The following CACNA1E variants were observed in gnomAD, a reference collection of about 807,000 sequenced individuals.
CACNA1E encodes calcium voltage-gated channel subunit alpha1 E, also known as voltage-dependent R-type calcium channel subunit alpha-1E.
In CACNA1E, 40 loss-of-function variants were observed where a neutral mutation model predicts 259.2. The observed-to-expected ratio is 0.15, with a 90% CI of 0.12 to 0.20. The LOEUF is 0.20. CACNA1E is among the 10% of genes least tolerant of loss of function. The probability of loss-of-function intolerance (pLI) is 1.00; values close to 1 mark genes in which losing one functional copy is unlikely to be tolerated. For synonymous variants in CACNA1E, 1,104 were observed against 1,138.5 expected (o/e 0.97, Z 0.61); for missense variants, 1,874 against 3,040.1 (o/e 0.62, Z 9.02).
chr1:181,710,567 T>G (rs1653249181), intron 7 of CACNA1E, among the ~76,000 whole-genome samples: 1 of 149,006 alleles, frequency 6.7e-6, no homozygotes, highest in Admixed American at 6.8e-5. Flanking sequence ...CAATATACGT[T>G]AATCACTATT....
At chr1:181,464,505 T>C (rs1662026679) in intron 2 of CACNA1E, among the ~76,000 whole-genome samples, 1 of 152,024 alleles carries the variant, frequency 6.6e-6, no homozygotes, top group South Asian at 2.1e-4. Flanking sequence ...CATTACTTTT[T>C]CTGAGTCTTT....
chr1:181,786,321 C>T (rs1274159333), intron 43 of CACNA1E, among the ~76,000 whole-genome samples: 1 of 152,120 alleles, frequency 6.6e-6, no homozygotes, highest in Non-Finnish European at 1.5e-5. Context: ...GCCTACTATA[C>T]CCTGGAGGTA....
At chr1:181,548,829 C>T (rs1476429242) in intron 3 of CACNA1E, among the ~76,000 whole-genome samples, 2 of 152,158 alleles carry the variant, frequency 1.3e-5, no homozygotes, top group Non-Finnish European at 2.9e-5. Flanking sequence ...TCGTCTTATC[C>T]ATCATGTTTA....
At chr1:181,636,214 G>A (rs1657198040) in intron 6 of CACNA1E, among the ~76,000 whole-genome samples, 2 of 152,120 alleles carry the variant, frequency 1.3e-5, no homozygotes, top group Admixed American at 1.3e-4. Flanking sequence ...AAGGCATATT[G>A]GTTAAGAGTG....
intron 1 of CACNA1E, among the ~76,000 whole-genome samples, chr1:181,408,185 T>C (rs1259869979): frequency 1.3e-5 from 2 of 152,198 alleles, no homozygotes; most frequent in Non-Finnish European, 2.9e-5. Context: ...TTCATTGACT[T>C]GCTGGTGTAT....
rs1472617384 is a variant in CACNA1E, at chr1:181,800,684, A to G, written c.*1850A>G. 1 of 152,680 alleles carries G rather than the reference A, an allele frequency of 6.5e-6. No homozygotes were observed. Among genetic ancestry groups the G allele is most frequent in the Non-Finnish European group, 1.5e-5 (1 of 68,094 alleles). 9.5% of individuals were successfully genotyped at this position (152,680 alleles called of 1,614,324 possible). On this transcript the variant is annotated 3_prime_UTR_variant, in exon 48 of 48. Coordinates refer to ENST00000367573, the MANE Select transcript of CACNA1E (RefSeq NM_001205293.3). ...CACACTCCTCCTCTTGGGCAGGAGC[A>G]ATCCAGAGTTGTTATTTTTCTTAGA... is the stretch of plus-strand genomic sequence containing the variant.
intron 21 of CACNA1E, among the ~76,000 whole-genome samples, chr1:181,734,017 CA>C (rs2102561347): frequency 6.6e-6 from 1 of 152,294 alleles, no homozygotes; most frequent in African/African-American, 2.4e-5. Context: ...ACTTTGTGCC[CA>C]GTTAGATATT....
intron 1 of CACNA1E, among the ~76,000 whole-genome samples, chr1:181,401,564 T>C (rs1270043810): frequency 6.6e-6 from 1 of 152,188 alleles, no homozygotes; most frequent in Non-Finnish European, 1.5e-5. Context: ...TGAAGATTGT[T>C]GAGGAGATTG....
At chr1:181,596,556 A>ATG (rs1491525131) in intron 6 of CACNA1E, among the ~76,000 whole-genome samples, 7 of 53,678 alleles carry the variant, frequency 1.3e-4, no homozygotes, top group Admixed American at 2.1e-4. Context: ...CCCACCATGT[A>ATG]CGTGTGTGTG....
intron 2 of CACNA1E, among the ~76,000 whole-genome samples, chr1:181,466,144 A>C (rs1330605554): frequency 6.6e-6 from 1 of 152,212 alleles, no homozygotes. Flanking sequence ...TATTTAACTG[A>C]AGGTACAGTT....
intron 2 of CACNA1E, among the ~76,000 whole-genome samples, chr1:181,467,358 T>C (rs1662214227): frequency 6.6e-6 from 1 of 152,110 alleles, no homozygotes; most frequent in South Asian, 2.1e-4. Context: ...CAGGGTTGAG[T>C]TGAAAGCATG....
At chr1:181,626,233 G>C (rs1558199471) in intron 6 of CACNA1E, among the ~76,000 whole-genome samples, 1 of 152,204 alleles carries the variant, frequency 6.6e-6, no homozygotes, top group African/African-American at 2.4e-5. Context: ...AAGCGAGCAT[G>C]TGCTGTTGGA....
At chr1:181,629,612 T>C (rs1274702583) in intron 6 of CACNA1E, among the ~76,000 whole-genome samples, 3 of 151,960 alleles carry the variant, frequency 2.0e-5, no homozygotes, top group Non-Finnish European at 4.4e-5. Flanking sequence ...CAACAAATGA[T>C]TAATACACTG....
At chr1:181,450,531 C>T (rs1224278776) in intron 2 of CACNA1E, among the ~76,000 whole-genome samples, 2 of 152,080 alleles carry the variant, frequency 1.3e-5, no homozygotes, top group Non-Finnish European at 1.5e-5. Context: ...TGGGAAAACA[C>T]CCAGAGGCCA....
In CACNA1E at chr1:181,733,623, C is replaced by G; in HGVS notation, c.3135C>G (p.Val1045=). The G allele has an allele frequency of 5.6e-6, 9 of 1,613,108 alleles. No individual in the cohort carries two copies. The highest frequency in any genetic ancestry group is 7.6e-6 in the Non-Finnish European group (9 of 1,179,590). Residue 1045 remains valine, a synonymous_variant, in exon 21 of 48, where the codon GTC becomes GTG. Coordinates refer to ENST00000367573, the MANE Select transcript of CACNA1E (RefSeq NM_001205293.3). ...LGNVQLDMGR[V]ISQSEPDLSC... is the part of the protein sequence containing the mutation. ...ATGTGCAGCTAGACATGGGCCGGGTCATCAGCCAGAGCGAGCCTGACCTCT... is the reference window on the plus strand; with the variant it reads ...ATGTGCAGCTAGACATGGGCCGGGTGATCAGCCAGAGCGAGCCTGACCTCT...
At chr1:181,717,816 C>A (rs2102464944) in intron 11 of CACNA1E, among the ~76,000 whole-genome samples, 1 of 152,276 alleles carries the variant, frequency 6.6e-6, no homozygotes, top group Non-Finnish European at 1.5e-5. Context: ...CATATAAAGA[C>A]CAGTGACAGG....
intron 2 of CACNA1E, among the ~76,000 whole-genome samples, chr1:181,418,662 T>C (rs1395579646): frequency 6.6e-6 from 1 of 152,164 alleles, no homozygotes; most frequent in African/African-American, 2.4e-5. Context: ...GTTTTCTCTT[T>C]CATTAAACCT....
intron 6 of CACNA1E, among the ~76,000 whole-genome samples, chr1:181,581,191 A>G (rs1651479669): frequency 6.6e-6 from 1 of 152,136 alleles, no homozygotes; most frequent in Admixed American, 6.5e-5. Flanking sequence ...AGAATTTACT[A>G]AAAAAGAACA....
At chr1:181,584,876 C>A (rs1046284038) in intron 6 of CACNA1E, among the ~76,000 whole-genome samples, 4 of 152,162 alleles carry the variant, frequency 2.6e-5, no homozygotes, top group Admixed American at 1.3e-4. Context: ...ATAAGATGAA[C>A]CAACTGACCT....
Sources: allele counts gnomAD v4.1 joint callset (sites outside exome capture counted in the v4.1 genomes callset), GRCh38; gene constraint gnomAD v4.1.1; transcripts MANE v1.5; gene names NCBI Gene and HGNC (gene_info 2026-07-23, HGNC 2026-07-21).